Variants in ZNF654 observed in about 807,000 individuals in gnomAD.
ZNF654 encodes zinc finger protein 654, also known as melanoma-associated antigen.
Under a neutral mutation model 95.3 loss-of-function variants are expected in ZNF654, and 19 were observed. That is an observed-to-expected ratio of 0.20 (90% CI 0.14 to 0.29). The LOEUF is 0.29. Among genes scored for constraint, ZNF654 ranks in the 10% least tolerant of loss-of-function variants. ZNF654 has a pLI of 1.00. For synonymous variants in ZNF654, 413 were observed against 457.9 expected, an observed-to-expected ratio of 0.90 and a Z score of 1.25; for missense variants, 1,046 against 1,341.0, an observed-to-expected ratio of 0.78 and a Z score of 3.44.
At chr3:88,125,796 T>C (rs1706065711) in intron 3 of ZNF654, among the ~76,000 whole-genome samples, 1 of 152,158 alleles carries the variant, frequency 6.6e-6, no homozygotes, top group Non-Finnish European at 1.5e-5. Context: ...TAAGAGAAAT[T>C]TTATGAACCT....
chr3:88,109,447 C>A (rs775280572), intron 2 of ZNF654, among the ~76,000 whole-genome samples: 2 of 152,002 alleles, frequency 1.3e-5, no homozygotes, highest in Admixed American at 6.6e-5. Flanking sequence ...ATAGAGTAGA[C>A]CTAATTTTCC....
intron 6 of ZNF654, among the ~76,000 whole-genome samples, chr3:88,133,117 G>A (rs1489531940): frequency 2.0e-5 from 3 of 152,192 alleles, no homozygotes; most frequent in African/African-American, 7.2e-5. Flanking sequence ...GAACATTCCA[G>A]AGATTCTGAC....
intron 1 of ZNF654, among the ~76,000 whole-genome samples, chr3:88,071,660 C>CG (rs1362015534): frequency 7.2e-6 from 1 of 138,414 alleles, no homozygotes; most frequent in Non-Finnish European, 1.6e-5. Flanking sequence ...AAAAATTAGC[C>CG]GGGCGTGGTG....
chr3:88,140,811 G>T lies in ZNF654; in HGVS notation c.3142G>T (p.Val1048Phe), dbSNP rs199884128. Residue 1048 changes from valine to phenylalanine, a missense_variant, in exon 8 of 9, where the codon GTC (valine) becomes TTC (phenylalanine). Physicochemically the swap from Val to Phe is conservative, Grantham distance 50. Around this residue, in one of 9 missense-constraint regions of ZNF654, gnomAD observed 6 missense variants for 31.0 expected, o/e 0.19. Transcript: ENST00000636215. ...TGGCTTAATTTTAACAAAACCATAC[G>T]TCAGACCATTGCCTCCCAGTTACCT... ...SYGLILTKPY[V>F]RPLPPSYLDE... 3.1e-6 allele frequency: 5 copies of T among 1,613,548 alleles called. No homozygotes were observed. Among genetic ancestry groups the T allele is most frequent in the South Asian group, 1.1e-5 (1 of 91,064 alleles).
At position 88,128,961 on chromosome 3, in the gene ZNF654, C is replaced by T; in HGVS notation, c.703C>T (p.Leu235Phe). The T allele has an allele frequency of 6.5e-7, 1 of 1,535,308 alleles. No homozygotes were observed. Among genetic ancestry groups the T allele is most frequent in the Non-Finnish European group, 8.7e-7 (1 of 1,146,460 alleles). ...ISKDLYFHQA[L>F]FTCLFMSPVE... ...TAAAGACTTATACTTCCATCAAGCA[C>T]TCTTCACATGTCTGTTTATGTCACC... The change falls in exon 5 of 9, where the codon CTC becomes TTC. Residue 235 changes from leucine (L) to phenylalanine (F), a missense_variant. Physicochemically the swap from Leu to Phe is conservative, Grantham distance 22. Coordinates refer to ENST00000636215, the MANE Select transcript of ZNF654 (RefSeq NM_001350134.2).
chr3:88,065,476 T>C (rs1187189853), intron 1 of ZNF654, among the ~76,000 whole-genome samples: 1 of 152,198 alleles, frequency 6.6e-6, no homozygotes, highest in Non-Finnish European at 1.5e-5. Flanking sequence ...GAATATTTAT[T>C]CATACGAGAA....
At position 88,059,264 on chromosome 3, in the gene ZNF654, A is replaced by T; in HGVS notation, c.-56A>T. The T allele has an allele frequency of 6.5e-7, 1 of 1,531,820 alleles. No homozygotes were observed. The highest frequency in any genetic ancestry group is 8.7e-7 in the Non-Finnish European group (1 of 1,145,734). 94.9% of individuals were successfully genotyped at this position (1,531,820 alleles called of 1,614,324 possible). ...AGAGGAGGAGGAGGTTAGCCTAGGC[A>T]TCTACGGCGGCGGCGGCGGCGCAGG... is the stretch of plus-strand genomic sequence containing the variant. On this transcript the variant is annotated 5_prime_UTR_variant, in exon 1 of 9. Coordinates refer to ENST00000636215, the MANE Select transcript of ZNF654 (RefSeq NM_001350134.2).
intron 2 of ZNF654, 49 bp from the exon 3 acceptor site, chr3:88,113,066 G>T: frequency 7.9e-7 from 1 of 1,259,268 alleles, no homozygotes; most frequent in Non-Finnish European, 1.1e-6. Context: ...TCTTTTAATT[G>T]GAGCAAAACT....
intron 2 of ZNF654, among the ~76,000 whole-genome samples, chr3:88,099,671 C>A (rs1704286914): frequency 6.6e-6 from 1 of 152,166 alleles, no homozygotes; most frequent in Non-Finnish European, 1.5e-5. Flanking sequence ...AATAATACCA[C>A]ACATCTACAA....
chr3:88,090,206 C>G (rs4616670), intron 2 of ZNF654, among the ~76,000 whole-genome samples: 119,143 of 152,044 alleles, frequency 0.78, 47,600 homozygotes, highest in South Asian at 0.91. Flanking sequence ...TGAAGGCATT[C>G]CAGAAAAAGA....
chr3:88,074,283 G>A (rs1447320160), intron 1 of ZNF654, among the ~76,000 whole-genome samples: 3 of 151,904 alleles, frequency 2.0e-5, no homozygotes, highest in Non-Finnish European at 4.4e-5. Flanking sequence ...CTGATTGGGA[G>A]TGGCTTCTTT....
rs1159683728 is a variant in ZNF654 at position 88,140,350 on chromosome 3, CTAA to C, written c.2683_2685del (p.Asn895del). ...TGGGATGTTCAGACAGACTCAAATC[CTAA>C]TCAGGAAAAAGACTCATCTAGTAAT... On this transcript the variant is annotated inframe_deletion, in exon 8 of 9. Transcript: ENST00000636215. The C allele has an allele frequency of 1.2e-6, 2 of 1,613,344 alleles. No individual in the cohort carries two copies. The highest frequency in any genetic ancestry group is 2.2e-5 in the South Asian group (2 of 91,056).
chr3:88,091,845 T>G (rs1708648572), intron 2 of ZNF654, among the ~76,000 whole-genome samples: 2 of 152,160 alleles, frequency 1.3e-5, no homozygotes, highest in South Asian at 4.1e-4. Flanking sequence ...TTGTGAGGCC[T>G]CCTCAGCCAT....
chr3:88,099,615 A>C (rs1559709613), intron 2 of ZNF654, among the ~76,000 whole-genome samples: 2 of 152,188 alleles, frequency 1.3e-5, no homozygotes, highest in African/African-American at 4.8e-5. Flanking sequence ...TGGTACTGGT[A>C]CCAAAACAGA....
chr3:88,090,167 A>C (rs1015331064), intron 2 of ZNF654, among the ~76,000 whole-genome samples: 1 of 152,210 alleles, frequency 6.6e-6, no homozygotes, highest in African/African-American at 2.4e-5. Context: ...AAAAAGGTTA[A>C]CTGTAAAACA....
chr3:88,113,077 C>A, intron 2 of ZNF654, 38 bp from the exon 3 acceptor site: 1 of 1,347,838 alleles, frequency 7.4e-7, no homozygotes, highest in South Asian at 1.3e-5. Flanking sequence ...GAGCAAAACT[C>A]AAAGAAGCAA....
chr3:88,060,302 CTCAG>C (rs1706793626), intron 1 of ZNF654, among the ~76,000 whole-genome samples: 2 of 152,134 alleles, frequency 1.3e-5, no homozygotes, highest in South Asian at 2.1e-4. Flanking sequence ...AAATTATTTA[CTCAG>C]TCGACCGTCA....
At chr3:88,074,344 C>CTT (rs60776911) in intron 1 of ZNF654, among the ~76,000 whole-genome samples, 106,020 of 137,460 alleles carry the variant, frequency 0.77, 42,007 homozygotes, top group South Asian at 0.89. Context: ...TTATATCTTA[C>CTT]TTTTTTTTTT....
chr3:88,112,776 T>G (rs966611785), intron 2 of ZNF654, among the ~76,000 whole-genome samples: 2 of 152,066 alleles, frequency 1.3e-5, no homozygotes, highest in African/African-American at 4.8e-5. Context: ...AGCTGGACTT[T>G]GGGTTCATTT....
Sources: allele counts gnomAD v4.1 joint callset (sites outside exome capture counted in the v4.1 genomes callset), GRCh38; gene constraint gnomAD v4.1.1; regional missense constraint gnomAD v4.1.1; transcripts MANE v1.5; gene names NCBI Gene and HGNC (gene_info 2026-07-23, HGNC 2026-07-21).